Variants in PRKN observed in about 807,000 individuals in gnomAD.
PRKN encodes parkin RBR E3 ubiquitin protein ligase.
Under a neutral mutation model 59.5 loss-of-function variants are expected in PRKN, and 56 were observed. The ratio of observed to expected loss-of-function variants is 0.94; its 90% confidence interval spans 0.76 to 1.18. The LOEUF (loss-of-function observed/expected upper bound fraction) is 1.18, where lower values mean the gene tolerates loss of function less well. Among genes scored for constraint, PRKN ranks in the 50% most tolerant of loss-of-function variants. The pLI, the probability that PRKN is intolerant of heterozygous loss-of-function variation, is 0.00. For missense variants in PRKN, 657 were observed against 596.4 expected, an observed-to-expected ratio of 1.10 and a Z score of -1.06; for synonymous variants, 250 against 222.1, an observed-to-expected ratio of 1.13 and a Z score of -1.12.
intron 4 of PRKN, among the ~76,000 whole-genome samples, chr6:162,107,863 CCA>C (rs1780259876): frequency 6.6e-6 from 1 of 152,100 alleles, no homozygotes; most frequent in South Asian, 2.1e-4. Flanking sequence ...TCAAAAAACA[CCA>C]GTCTTTGACT....
intron 1 of PRKN, among the ~76,000 whole-genome samples, chr6:162,510,021 C>T (rs1266344294): frequency 6.6e-6 from 1 of 152,122 alleles, no homozygotes; most frequent in African/African-American, 2.4e-5. Flanking sequence ...ACTGAAAGGG[C>T]CTAATGAAGG....
chr6:162,562,722 C>G lies in PRKN; in HGVS notation c.8-119249G>C, dbSNP rs181972702. ...GACTTTTGACTCTAGTTCCTGACCCCCAGATGGCACCTCTGGACCTACCCA... is the reference window on the plus strand; with the variant it reads ...GACTTTTGACTCTAGTTCCTGACCCGCAGATGGCACCTCTGGACCTACCCA... On this transcript the variant is annotated intron_variant, in intron 1 of 11. Coordinates refer to ENST00000366898, the MANE Select transcript of PRKN (RefSeq NM_004562.3). Among the ~76,000 whole-genome samples the G allele has an allele frequency of 4.3e-3, 655 of 152,280 alleles. 1 individual carries two copies. The highest frequency in any genetic ancestry group is 7.4e-3 in the Non-Finnish European group (504 of 68,020).
At position 162,710,414 on chromosome 6, in the gene PRKN, C is replaced by CACACACACACACACACACAA. The variant is rs759309558; in HGVS notation, c.7+17247_7+17248insTTGTGTGTGTGTGTGTGTGT. Among the ~76,000 whole-genome samples, 437 of 150,018 alleles carry CACACACACACACACACACAA rather than the reference C, an allele frequency of 2.9e-3. 5 individuals are homozygous for CACACACACACACACACACAA. The highest frequency in any genetic ancestry group is 0.011 in the African/African-American group (422 of 40,114). On this transcript the variant is annotated intron_variant, in intron 1 of 11. Coordinates refer to ENST00000366898, the MANE Select transcript of PRKN (RefSeq NM_004562.3). The stretch of plus-strand genomic sequence containing the variant: ...ACACACACACACACACACACACACA[C>CACACACACACACACACACAA]AACTGTTTGGTATGATGAGGAAGAA...
At chr6:161,786,501 A>T (rs1051435196) in intron 6 of PRKN, among the ~76,000 whole-genome samples, 1 of 152,162 alleles carries the variant, frequency 6.6e-6, no homozygotes, top group Non-Finnish European at 1.5e-5. Flanking sequence ...GTAATCCCAT[A>T]AACATAATTA....
intron 1 of PRKN, among the ~76,000 whole-genome samples, chr6:162,565,905 G>A (rs1487488455): frequency 2.6e-5 from 4 of 151,646 alleles, no homozygotes; most frequent in African/African-American, 9.7e-5. Context: ...CTATGCTAAT[G>A]GAAAACAAAA....
At chr6:161,492,484 T>C (rs1777596153) in intron 9 of PRKN, among the ~76,000 whole-genome samples, 1 of 152,242 alleles carries the variant, frequency 6.6e-6, no homozygotes, top group South Asian at 2.1e-4. Flanking sequence ...TTTTAGTTGA[T>C]GGTCAGCTAA....
chr6:161,506,880 G>C (rs1002888788), intron 9 of PRKN, among the ~76,000 whole-genome samples: 4 of 152,230 alleles, frequency 2.6e-5, no homozygotes, highest in Non-Finnish European at 5.9e-5. Context: ...CCTTCTGTGA[G>C]ACATTAACAA....
intron 10 of PRKN, among the ~76,000 whole-genome samples, chr6:161,366,967 G>C (rs945601037): frequency 6.7e-5 from 10 of 149,176 alleles, no homozygotes; most frequent in Non-Finnish European, 1.3e-4. Flanking sequence ...AAGTTTTTTG[G>C]GGTTTTTTTG....
At chr6:162,267,442 G>A (rs1056978424) in intron 2 of PRKN, among the ~76,000 whole-genome samples, 1 of 151,998 alleles carries the variant, frequency 6.6e-6, no homozygotes, top group African/African-American at 2.4e-5. Flanking sequence ...CCTCAGATGT[G>A]GGAAGAAAGA....
intron 1 of PRKN, among the ~76,000 whole-genome samples, chr6:162,718,575 T>C (rs1165752217): frequency 6.6e-6 from 1 of 151,980 alleles, no homozygotes; most frequent in African/African-American, 2.4e-5. Flanking sequence ...TAGCTGGGCA[T>C]GGTGGCAGGC....
chr6:161,579,419 G>A lies in PRKN; in HGVS notation c.872-10003C>T, dbSNP rs1781255791. 6.6e-6 allele frequency among the ~76,000 whole-genome samples: 1 copy of A among 152,122 alleles called. No individual in the cohort carries two copies. The highest frequency in any genetic ancestry group is 1.5e-5 in the Non-Finnish European group (1 of 68,022). Reference sequence around the variant, plus strand: ...GGTTTCTTTAGGAGAAAAGAATTCTGAGTTCCAAACAATGTATAGACATGA... The same window carrying A: ...GGTTTCTTTAGGAGAAAAGAATTCTAAGTTCCAAACAATGTATAGACATGA... On this transcript the variant is annotated intron_variant, in intron 7 of 11. Transcript: ENST00000366898. This position sits in a 1 kb window ranked among gnomAD's most constrained non-coding sequence, Gnocchi z 4.2.
chr6:162,023,284 T>C (rs1269204746), intron 5 of PRKN, among the ~76,000 whole-genome samples: 1 of 152,138 alleles, frequency 6.6e-6, no homozygotes, highest in Non-Finnish European at 1.5e-5. Flanking sequence ...TTAGAGCGTC[T>C]ACCTTGTTAC....
chr6:161,890,860 C>G (rs1021431774), intron 6 of PRKN, among the ~76,000 whole-genome samples: 1 of 152,124 alleles, frequency 6.6e-6, no homozygotes, highest in Non-Finnish European at 1.5e-5. Flanking sequence ...GCTCTGCCTC[C>G]GGGGTCTTAG....
At chr6:162,140,549 T>C (rs909104519) in intron 4 of PRKN, among the ~76,000 whole-genome samples, 6 of 152,200 alleles carry the variant, frequency 3.9e-5, no homozygotes, top group South Asian at 4.1e-4. Flanking sequence ...CTCTCTGCTT[T>C]TCCGGCTTTC....
rs115473927 is a variant in PRKN at position 161,438,983 on chromosome 6, G to A, written c.1084-52106C>T. Among the ~76,000 whole-genome samples, 1,071 of 152,028 alleles carry A rather than the reference G, an allele frequency of 7.0e-3. 13 individuals carry two copies. The highest frequency in any genetic ancestry group is 0.024 in the African/African-American group (1,003 of 41,358). On this transcript the variant is annotated intron_variant, in intron 9 of 11. Coordinates refer to ENST00000366898, the MANE Select transcript of PRKN (RefSeq NM_004562.3). ...TTAAATGGAAACTGTTCTTTTAGCA[G>A]TTTCAGAGTAGGCTATCTCAAGCTG...
intron 4 of PRKN, among the ~76,000 whole-genome samples, chr6:162,195,696 C>A (rs956921841): frequency 6.6e-6 from 1 of 152,098 alleles, no homozygotes; most frequent in South Asian, 2.1e-4. Context: ...GTGATTGTAG[C>A]GGGGAGGGGG....
intron 4 of PRKN, among the ~76,000 whole-genome samples, chr6:162,115,059 G>T (rs201028772): frequency 1.3e-5 from 2 of 151,540 alleles, no homozygotes; most frequent in Non-Finnish European, 2.9e-5. Flanking sequence ...TGTTTATTGC[G>T]GCATTATTCA....
At chr6:162,259,447 A>ATT (rs200878742) in intron 3 of PRKN, among the ~76,000 whole-genome samples, 1 of 152,100 alleles carries the variant, frequency 6.6e-6, no homozygotes, top group East Asian at 1.9e-4. Context: ...ATGAAAGAAG[A>ATT]TTTTTTTTCT....
intron 6 of PRKN, among the ~76,000 whole-genome samples, chr6:161,967,346 T>C (rs1392540719): frequency 6.6e-6 from 1 of 152,170 alleles, no homozygotes; most frequent in Admixed American, 6.5e-5. Context: ...AATACAAGTA[T>C]TTTTGCAACT....
Sources: gnomAD v4.1 joint callset for allele counts (sites outside exome capture counted in the v4.1 genomes callset) on GRCh38, gnomAD v4.1.1 for gene constraint, Gnocchi (gnomAD v3.1) non-coding constraint, MANE v1.5 for transcripts, NCBI Gene and HGNC (gene_info 2026-07-23, HGNC 2026-07-21) for gene names.